PDE9A: variants seen among roughly 807,000 people sequenced by gnomAD.
PDE9A encodes high affinity cGMP-specific 3',5'-cyclic phosphodiesterase 9A.
In PDE9A, 60 loss-of-function variants were observed where a neutral mutation model predicts 87.4. That is an observed-to-expected ratio of 0.69 (90% CI 0.56 to 0.85). PDE9A has a LOEUF of 0.85. Ranked by LOEUF, PDE9A falls within the 40% of genes least tolerant of loss-of-function variation. The pLI, the probability that PDE9A is intolerant of heterozygous loss-of-function variation, is 0.00. For synonymous variants in PDE9A, 272 were observed against 279.4 expected (o/e 0.97, Z 0.27); for missense variants, 665 against 779.0 (o/e 0.85, Z 1.74).
intron 7 of PDE9A, among the ~76,000 whole-genome samples, chr21:42,740,759 A>AGATAGATAGATAGATAGATAAACAG (rs1569229266): frequency 1.3e-4 from 16 of 126,076 alleles, no homozygotes; most frequent in African/African-American, 5.1e-4. Context: ...TAAACAGGAT[A>AGATAGATAGATAGATAGATAAACAG]GATAGATAGA....
chr21:42,742,529 G>C (rs1489765782), intron 7 of PDE9A, among the ~76,000 whole-genome samples: 5 of 141,722 alleles, frequency 3.5e-5, no homozygotes, highest in African/African-American at 1.3e-4. Context: ...ACAGTGGCGT[G>C]ATCTCGGCTC....
rs898602288 is a variant in PDE9A, at chr21:42,726,593, C to CATAT, written c.263-5148_263-5145dup. 1.4e-3 allele frequency among the ~76,000 whole-genome samples: 54 copies of CATAT among 38,220 alleles called. 3 individuals carry two copies. The highest frequency in any genetic ancestry group is 2.8e-3 in the Admixed American group (8 of 2,826). 25.1% of individuals were successfully genotyped at this position (38,220 alleles called of 152,430 possible). A position where few individuals can be genotyped will look rare whatever the true frequency, so the allele number is the denominator to read the frequency against. ...ATTACTGAATGCCACCACGCCTGGC[C>CATAT]ATATATATATATATATATATATATA... is the stretch of plus-strand genomic sequence containing the variant. On this transcript the variant is annotated intron_variant, in intron 4 of 19. Coordinates refer to ENST00000291539, the MANE Select transcript of PDE9A (RefSeq NM_002606.3).
At chr21:42,666,232 G>A (rs1389089801) in intron 1 of PDE9A, among the ~76,000 whole-genome samples, 4 of 152,046 alleles carry the variant, frequency 2.6e-5, no homozygotes, top group Non-Finnish European at 5.9e-5. Flanking sequence ...AGCTCCAGAA[G>A]GCCCTTCTTG....
chr21:42,747,427 C>T (rs2053980061), intron 8 of PDE9A, among the ~76,000 whole-genome samples: 1 of 152,212 alleles, frequency 6.6e-6, no homozygotes, highest in East Asian at 1.9e-4. Context: ...CCCCGTGCCA[C>T]ACAAATGGCC....
intron 16 of PDE9A, chr21:42,768,548 T>C: frequency 7.8e-7 from 1 of 1,288,704 alleles, no homozygotes; most frequent in Non-Finnish European, 9.8e-7. Context: ...GAGCCATTAT[T>C]ACAAGCAGCC....
At chr21:42,691,536 C>T (rs569976321) in intron 3 of PDE9A, among the ~76,000 whole-genome samples, 40 of 152,106 alleles carry the variant, frequency 2.6e-4, no homozygotes, top group African/African-American at 9.4e-4. Context: ...AGCCCATCAC[C>T]ATCACTATCC....
At chr21:42,721,304 T>C (rs546849702) in intron 4 of PDE9A, among the ~76,000 whole-genome samples, 1 of 152,332 alleles carries the variant, frequency 6.6e-6, no homozygotes, top group Admixed American at 6.5e-5. Context: ...TGCCTGCCCC[T>C]GAGGTGAACC....
chr21:42,697,217 C>T (rs962461942), intron 3 of PDE9A, among the ~76,000 whole-genome samples: 8 of 152,070 alleles, frequency 5.3e-5, no homozygotes, highest in Admixed American at 6.5e-5. Flanking sequence ...TCAGCCTCAC[C>T]GCCCTACAGA....
chr21:42,768,331 T>A, intron 16 of PDE9A, 39 bp downstream of exon 16: 2 of 1,281,650 alleles, frequency 1.6e-6, no homozygotes, highest in Non-Finnish European at 2.3e-6. Context: ...CCAGCCACTC[T>A]TATTAGCCCC....
At chr21:42,672,898 G>T (rs2058640984) in intron 1 of PDE9A, among the ~76,000 whole-genome samples, 1 of 152,296 alleles carries the variant, frequency 6.6e-6, no homozygotes. Flanking sequence ...ACAGGCTTTT[G>T]TCCCATACTC....
intron 8 of PDE9A, among the ~76,000 whole-genome samples, chr21:42,747,444 A>C (rs1569239834): frequency 6.6e-6 from 1 of 152,196 alleles, no homozygotes; most frequent in Non-Finnish European, 1.5e-5. Context: ...GGCCAGTGTG[A>C]GCCTGAAATG....
intron 3 of PDE9A, chr21:42,689,489 C>T: frequency 8.3e-6 from 8 of 969,092 alleles, no homozygotes; most frequent in Non-Finnish European, 9.8e-6. Context: ...GACCTGTCCT[C>T]CTGACACCCA....
At chr21:42,720,219 C>T (rs974455208) in intron 4 of PDE9A, among the ~76,000 whole-genome samples, 1 of 152,196 alleles carries the variant, frequency 6.6e-6, no homozygotes, top group Admixed American at 6.5e-5. Context: ...CTCCGCCAGG[C>T]GCAGTGACTC....
intron 4 of PDE9A, chr21:42,724,496 G>A (rs915436264): frequency 1.5e-5 from 8 of 550,482 alleles, no homozygotes; most frequent in Non-Finnish European, 1.8e-5. Context: ...GGCTCTGTTT[G>A]TGGATGCGTG....
chr21:42,769,026 G>T lies in PDE9A; in HGVS notation c.1462-1G>T. On this transcript the variant is annotated splice_acceptor_variant, in intron 16 of 19. Coordinates refer to ENST00000291539, the MANE Select transcript of PDE9A (RefSeq NM_002606.3). LOFTEE classifies it high-confidence loss of function. Reference sequence around the variant, plus strand: ...GTCACTGTCTGCTGCATTCCCTGCAGAGCGACCGTGAGAAGTCAGAAGGCC... The same window carrying T: ...GTCACTGTCTGCTGCATTCCCTGCATAGCGACCGTGAGAAGTCAGAAGGCC... 6.2e-7 allele frequency: 1 copy of T among 1,610,506 alleles called. No individual in the cohort carries two copies. Among genetic ancestry groups the T allele is most frequent in the South Asian group, 1.1e-5 (1 of 90,788 alleles).
rs112313834 is a variant in PDE9A, at chr21:42,659,024, C to G, written c.69+5141C>G. On this transcript the variant is annotated intron_variant, in intron 1 of 19. Transcript: ENST00000291539. The surrounding 1 kb of genome is among the most constrained non-coding windows in gnomAD (Gnocchi z 4.1). ...GGCTGTGAAAAGTAGTAAGAACCCT[C>G]GGTTTTTGGTTCCTTTTTCAACCAG... 6.6e-6 allele frequency among the ~76,000 whole-genome samples: 1 copy of G among 152,126 alleles called. No individual in the cohort carries two copies. The highest frequency in any genetic ancestry group is 2.4e-5 in the African/African-American group (1 of 41,414).
At chr21:42,681,468 C>T (rs879656004) in intron 1 of PDE9A, among the ~76,000 whole-genome samples, 7 of 152,168 alleles carry the variant, frequency 4.6e-5, no homozygotes, top group Non-Finnish European at 7.3e-5. Context: ...CCTTGGTTTC[C>T]GTGTGTAAAC....
intron 4 of PDE9A, among the ~76,000 whole-genome samples, chr21:42,714,003 T>A (rs1053261550): frequency 6.7e-6 from 1 of 148,606 alleles, no homozygotes; most frequent in East Asian, 2.0e-4. Context: ...TTAAAACTTT[T>A]TTTTTCATTC....
At chr21:42,724,887 C>T (rs1296715035) in intron 4 of PDE9A, among the ~76,000 whole-genome samples, 3 of 152,222 alleles carry the variant, frequency 2.0e-5, no homozygotes, top group East Asian at 3.8e-4. Context: ...CAAATCCTGT[C>T]GTGCTCAAAG....
Sources: gnomAD v4.1 joint callset for allele counts (sites outside exome capture counted in the v4.1 genomes callset) on GRCh38, gnomAD v4.1.1 for gene constraint, Gnocchi (gnomAD v3.1) non-coding constraint, MANE v1.5 for transcripts, NCBI Gene and HGNC (gene_info 2026-07-23, HGNC 2026-07-21) for gene names.